The following GLMN variants were observed in gnomAD, a reference collection of about 807,000 sequenced individuals.
The protein encoded by GLMN is glomulin, FKBP associated protein.
In GLMN, 75 loss-of-function variants were observed where a neutral mutation model predicts 87.8. That is an observed-to-expected ratio of 0.85 (90% CI 0.71 to 1.04). GLMN has a LOEUF of 1.04. GLMN is among the 50% of genes least tolerant of loss of function. GLMN has a pLI of 0.00. For missense variants in GLMN, 588 were observed against 658.8 expected, an observed-to-expected ratio of 0.89 and a Z score of 1.18; for synonymous variants, 206 against 221.6, an observed-to-expected ratio of 0.93 and a Z score of 0.63.
the GLMN span, among the ~76,000 whole-genome samples, chr1:92,340,582 G>A: frequency 7.2e-3 from 1,102 of 152,268 alleles, 8 homozygotes; most frequent in South Asian, 0.015. Flanking sequence ...ATAGATGTCC[G>A]GCTCCACCCT....
chr1:92,324,080 A>G, the GLMN span: 1 of 1,613,946 alleles, frequency 6.2e-7, no homozygotes, highest in African/African-American at 1.3e-5. Context: ...AGGTTTTTGT[A>G]TGGCCAGAAT....
the GLMN span, among the ~76,000 whole-genome samples, chr1:92,344,899 CA>C: frequency 1.3e-5 from 2 of 152,032 alleles, no homozygotes; most frequent in Admixed American, 1.3e-4. Flanking sequence ...TATCCTTTAC[CA>C]TTTATGTATT....
chr1:92,369,139 A>T, the GLMN span, among the ~76,000 whole-genome samples: 21 of 152,228 alleles, frequency 1.4e-4, no homozygotes, highest in Non-Finnish European at 2.4e-4. Context: ...TTTTGTTTTT[A>T]CTTACAGCCA....
At chr1:92,253,619 G>A (rs577522392) in intron 16 of GLMN, among the ~76,000 whole-genome samples, 10 of 152,244 alleles carry the variant, frequency 6.6e-5, no homozygotes, top group Admixed American at 1.3e-4. Context: ...GGTGATACCC[G>A]GGCAAACAGG....
At chr1:92,298,243 T>C (rs1650382210) in intron 1 of GLMN, among the ~76,000 whole-genome samples, 1 of 152,054 alleles carries the variant, frequency 6.6e-6, no homozygotes, top group Non-Finnish European at 1.5e-5. Flanking sequence ...CCTAAGAAAA[T>C]AAAGTGTTTT....
At chr1:92,282,953 A>G (rs775315617) in intron 7 of GLMN, among the ~76,000 whole-genome samples, 6 of 152,234 alleles carry the variant, frequency 3.9e-5, no homozygotes, top group Non-Finnish European at 8.8e-5. Context: ...TGAATAGACC[A>G]ATAACAGGTT....
intron 7 of GLMN, among the ~76,000 whole-genome samples, chr1:92,286,110 T>A (rs1648715340): frequency 6.6e-6 from 1 of 151,902 alleles, no homozygotes; most frequent in Admixed American, 6.6e-5. Context: ...AATCCAAATG[T>A]TGAACTATAT....
Position 92,290,283 on chromosome 1 carries a change from C to T in GLMN, c.309G>A (p.Leu103=). The change falls in exon 5 of 19, where the codon TTG becomes TTA. Residue 103 remains leucine (L), a synonymous_variant. Coordinates refer to ENST00000370360, the MANE Select transcript of GLMN (RefSeq NM_053274.3). ...CTTCAATCAGTTCAAGCAAACCCAA[C>T]AATAATTCCTTTGGATTGCATAACT... ...LVKLCNPKEL[L]LGLLELIEEP... is the part of the protein sequence containing the mutation. 1 of 1,599,256 alleles carries T rather than the reference C, an allele frequency of 6.3e-7. No homozygotes were observed. The highest frequency in any genetic ancestry group is 8.6e-7 in the Non-Finnish European group (1 of 1,166,826).
At chr1:92,255,702 C>A (rs917410657) in intron 16 of GLMN, among the ~76,000 whole-genome samples, 2 of 152,162 alleles carry the variant, frequency 1.3e-5, no homozygotes, top group African/African-American at 4.8e-5. Flanking sequence ...TAAATAAGTT[C>A]TTTGCAACCA....
the GLMN span, among the ~76,000 whole-genome samples, chr1:92,319,756 T>C: frequency 6.6e-6 from 1 of 152,172 alleles, no homozygotes; most frequent in Admixed American, 6.5e-5. Flanking sequence ...CCCAGCACTT[T>C]GGGAGGCCAA....
At chr1:92,277,020 G>A (rs755849272) in intron 7 of GLMN, among the ~76,000 whole-genome samples, 7 of 152,056 alleles carry the variant, frequency 4.6e-5, no homozygotes, top group Non-Finnish European at 1.0e-4. Context: ...CATCTGCCCA[G>A]TTATCCAAGC....
chr1:92,358,939 C>G, the GLMN span, among the ~76,000 whole-genome samples: 2 of 152,142 alleles, frequency 1.3e-5, no homozygotes, highest in African/African-American at 4.8e-5. Flanking sequence ...ATAGACCTAT[C>G]CTTTGTTCTT....
At chr1:92,276,479 T>C (rs1028279556) in intron 7 of GLMN, among the ~76,000 whole-genome samples, 8 of 151,974 alleles carry the variant, frequency 5.3e-5, no homozygotes, top group African/African-American at 1.9e-4. Context: ...CTGGGTAACA[T>C]GGTGAAACCC....
chr1:92,296,463 T>C lies in GLMN; in HGVS notation c.165+941A>G, dbSNP rs111754402. ...TGCCAACAGGGGAAATGCCAGATGG[T>C]TATAAAACCATCAGACCTGGTGAGA... On this transcript the variant is annotated intron_variant, in intron 3 of 18. Coordinates refer to ENST00000370360, the MANE Select transcript of GLMN (RefSeq NM_053274.3). Among the ~76,000 whole-genome samples the C allele has an allele frequency of 3.9e-3, 589 of 152,134 alleles. 3 individuals carry two copies. The highest frequency in any genetic ancestry group is 0.014 in the African/African-American group (569 of 41,488).
At chr1:92,299,078 C>G, upstream of GLMN, 1 of 1,505,848 alleles carries the variant, frequency 6.6e-7, no homozygotes, top group Non-Finnish European at 8.9e-7. Flanking sequence ...TCCCCCATGG[C>G]GGACTTCGCT....
At chr1:92,253,771 C>CCAA (rs1653849498) in intron 16 of GLMN, among the ~76,000 whole-genome samples, 1 of 152,148 alleles carries the variant, frequency 6.6e-6, no homozygotes, top group African/African-American at 2.4e-5. Context: ...CCAAAGGTCA[C>CCAA]CAACAGCAAA....
intron 7 of GLMN, among the ~76,000 whole-genome samples, chr1:92,277,505 G>A (rs984301511): frequency 6.6e-6 from 1 of 152,172 alleles, no homozygotes; most frequent in Non-Finnish European, 1.5e-5. Context: ...TGGTTGCCAA[G>A]GGAACCAACC....
At chr1:92,304,228 T>C in the GLMN span, 1 of 1,254,574 alleles carries the variant, frequency 8.0e-7, no homozygotes, top group Non-Finnish European at 1.2e-6. Context: ...TCTTGTAACA[T>C]AACGTTCATG....
the GLMN span, among the ~76,000 whole-genome samples, chr1:92,352,819 C>T: frequency 6.6e-6 from 1 of 152,098 alleles, no homozygotes; most frequent in Non-Finnish European, 1.5e-5. Flanking sequence ...TTCTGTCACC[C>T]AAAAAAGAAA....
Sources: gnomAD v4.1 joint callset for allele counts (sites outside exome capture counted in the v4.1 genomes callset) on GRCh38, gnomAD v4.1.1 for gene constraint, MANE v1.5 for transcripts, NCBI Gene and HGNC (gene_info 2026-07-23, HGNC 2026-07-21) for gene names.